The following HSPBP1 variants were observed in gnomAD, a reference collection of about 807,000 sequenced individuals.
HSPBP1 encodes the protein HSPA (Hsp70) binding protein 1.
HSPBP1 carries 31 observed loss-of-function variants against 41.7 expected under a neutral mutation model. That is an observed-to-expected ratio of 0.74 (90% confidence interval 0.56 to 1.00). HSPBP1 has a LOEUF of 1.00. Among genes scored for constraint, HSPBP1 ranks in the 50% least tolerant of loss-of-function variants. The pLI, the probability that HSPBP1 is intolerant of heterozygous loss-of-function variation, is 0.00. For missense variants in HSPBP1, 439 were observed against 487.9 expected (o/e 0.90, Z 0.94); for synonymous variants, 199 against 214.4 (o/e 0.93, Z 0.63).
intron 3 of HSPBP1, among the ~76,000 whole-genome samples, chr19:55,276,147 G>A (rs901617653): frequency 5.0e-5 from 7 of 141,130 alleles, no homozygotes; most frequent in African/African-American, 7.8e-5. Flanking sequence ...TCTGACACAC[G>A]CCACAACATG....
chr19:55,277,976 G>A (rs904420701), intron 2 of HSPBP1, 130 bp from the exon 3 acceptor site: 8 of 807,450 alleles, frequency 9.9e-6, no homozygotes, highest in Non-Finnish European at 1.3e-5. Context: ...GCTGGGAGCT[G>A]TGGCTCATCC....
Position 55,265,898 on chromosome 19 carries a change from C to G in HSPBP1, c.881G>C (p.Gly294Ala). 2 of 1,606,332 alleles carry G rather than the reference C, an allele frequency of 1.2e-6. No individual in the cohort carries two copies. Among genetic ancestry groups the G allele is most frequent in the Non-Finnish European group, 1.7e-6 (2 of 1,177,568 alleles). ...GGAGCCAAAGTACCTGCACAGGGCT[C>G]CAAGCACGTGCTCGTGGAAGGGGCT... Reference protein sequence around the residue: ...EHSPFHEHVLGALCSLVTDFP... With the variant: ...EHSPFHEHVLAALCSLVTDFP... Residue 294 changes from glycine (G) to alanine (A), a missense_variant, in exon 6 of 8, where the codon GGA becomes GCA. By Grantham distance (60) the Gly-to-Ala change is moderately conservative. Coordinates refer to ENST00000433386, the MANE Select transcript of HSPBP1 (RefSeq NM_012267.5).
chr19:55,263,592 C>CA (rs1878996773), intron 7 of HSPBP1, among the ~76,000 whole-genome samples: 1 of 152,142 alleles, frequency 6.6e-6, no homozygotes, highest in Non-Finnish European at 1.5e-5. Flanking sequence ...ATCCATGCTA[C>CA]AAAAAAGAGC....
intron 7 of HSPBP1, among the ~76,000 whole-genome samples, chr19:55,264,845 C>T (rs1312850167): frequency 2.6e-5 from 4 of 152,130 alleles, no homozygotes; most frequent in African/African-American, 7.2e-5. Flanking sequence ...CACGAGAACA[C>T]GAATGAAAGC....
chr19:55,262,676 GCTC>G lies in HSPBP1; in HGVS notation c.1009_1011del (p.Glu337del), dbSNP rs1474007446. ...TGTAGCAGCTTTTCACAGAACTCCA[GCTC>G]CTCCTGGATTGGGCAGGGGCAGGGA... On this transcript the variant is annotated inframe_deletion, in exon 8 of 8. Transcript: ENST00000433386. 10 of 1,612,886 alleles carry G rather than the reference GCTC, an allele frequency of 6.2e-6. No individual in the cohort carries two copies. Among genetic ancestry groups the G allele is most frequent in the Non-Finnish European group, 7.6e-6 (9 of 1,179,414 alleles).
At chr19:55,262,981 C>G (rs570245101) in intron 7 of HSPBP1, among the ~76,000 whole-genome samples, 1 of 152,264 alleles carries the variant, frequency 6.6e-6, no homozygotes, top group East Asian at 1.9e-4. Context: ...CTGCTCAAAA[C>G]TTTCTGCGGA....
At chr19:55,271,873 G>A (rs1002101963) in intron 4 of HSPBP1, among the ~76,000 whole-genome samples, 5 of 152,118 alleles carry the variant, frequency 3.3e-5, no homozygotes, top group Non-Finnish European at 5.9e-5. Context: ...TGGCCAACAG[G>A]GTGAAACCCC....
chr19:55,265,230 T>G, intron 7 of HSPBP1, 48 bp downstream of exon 7: 10 of 837,080 alleles, frequency 1.2e-5, no homozygotes, highest in East Asian at 6.5e-5. Context: ...CCTTGTCCCC[T>G]CCCCCTTGCA....
At chr19:55,276,104 C>CAAAAAAAAAAAAAAA (rs59561808) in intron 3 of HSPBP1, among the ~76,000 whole-genome samples, 1 of 65,992 alleles carries the variant, frequency 1.5e-5, no homozygotes, top group Non-Finnish European at 2.8e-5. Flanking sequence ...GAGACTGACT[C>CAAAAAAAAAAAAAAA]AAAAAAAAAA....
intron 3 of HSPBP1, among the ~76,000 whole-genome samples, chr19:55,275,174 C>G (rs2088038836): frequency 6.6e-6 from 1 of 152,178 alleles, no homozygotes. Context: ...CCCCAGGCTC[C>G]AGACTACTAA....
At chr19:55,271,538 T>C (rs2087923762) in intron 4 of HSPBP1, among the ~76,000 whole-genome samples, 1 of 152,168 alleles carries the variant, frequency 6.6e-6, no homozygotes, top group Non-Finnish European at 1.5e-5. Context: ...ACTTTCCAAG[T>C]GCCCCTTTCC....
chr19:55,273,863 C>T (rs2087988687), intron 4 of HSPBP1, among the ~76,000 whole-genome samples: 1 of 151,924 alleles, frequency 6.6e-6, no homozygotes. Context: ...TCCCTTGAGG[C>T]TAGGAGTTCA....
Position 55,266,278 on chromosome 19 carries a change from G to A in HSPBP1, c.649C>T (p.Arg217Ter), listed in dbSNP as rs1481910259. The A allele has an allele frequency of 6.3e-6, 10 of 1,575,312 alleles. No individual in the cohort carries two copies. The highest frequency in any genetic ancestry group is 1.2e-5 in the South Asian group (1 of 86,006). The change falls in exon 5 of 8, where the codon CGA becomes TGA. Residue 217 changes from arginine (R) to a stop codon, truncating the protein, a stop_gained. Coordinates refer to ENST00000433386, the MANE Select transcript of HSPBP1 (RefSeq NM_012267.5). LOFTEE classifies it high-confidence loss of function. Reference sequence around the variant, plus strand: ...TGCAGCAGCCCAGCCTCCTGCTCTCGGACCAGACCTGGGAGAGGGGGAAAG... The same window carrying A: ...TGCAGCAGCCCAGCCTCCTGCTCTCAGACCAGACCTGGGAGAGGGGGAAAG... The part of the protein sequence containing the change: ...KALFAISCLV[R>*]EQEAGLLQFL...
chr19:55,274,347 ACC>A, intron 4 of HSPBP1, 49 bp downstream of exon 4: 4 of 325,640 alleles, frequency 1.2e-5, no homozygotes, highest in South Asian at 1.1e-4. Flanking sequence ...CCCACCCGGC[ACC>A]CCCCCCCACC....
chr19:55,262,572 GT>G lies in HSPBP1; in HGVS notation c.*35del, dbSNP rs995652628. ...TGGGGAGGGAGGCAAGAGGCCTGGG[GT>G]TCCCACGGAGAAGGGGGCAAGAAGC... On this transcript the variant is annotated 3_prime_UTR_variant, in exon 8 of 8. Coordinates refer to ENST00000433386, the MANE Select transcript of HSPBP1 (RefSeq NM_012267.5). 6.2e-7 allele frequency: 1 copy of G among 1,610,446 alleles called. No homozygotes were observed. The highest frequency in any genetic ancestry group is 8.5e-7 in the Non-Finnish European group (1 of 1,178,344).
At chr19:55,273,542 A>G (rs909307075) in intron 4 of HSPBP1, among the ~76,000 whole-genome samples, 2 of 152,136 alleles carry the variant, frequency 1.3e-5, no homozygotes, top group Non-Finnish European at 2.9e-5. Context: ...GCAGGTGTGC[A>G]TAAGGATTCA....
At chr19:55,278,923 C>CCCCAAAA (rs764250410) in intron 2 of HSPBP1, among the ~76,000 whole-genome samples, 3 of 90,658 alleles carry the variant, frequency 3.3e-5, no homozygotes, top group Non-Finnish European at 4.4e-5. Context: ...CTGCCCCCAC[C>CCCCAAAA]AAAAAAAAAA....
chr19:55,266,146 G>T lies in HSPBP1; in HGVS notation c.781C>A (p.His261Asn). 6.2e-7 allele frequency: 1 copy of T among 1,601,132 alleles called. No individual in the cohort carries two copies. Residue 261 changes from histidine to asparagine, a missense_variant, in exon 5 of 8, where the codon CAC (histidine) becomes AAC (asparagine). By Grantham distance (68) the His-to-Asn change is moderately conservative. Coordinates refer to ENST00000433386, the MANE Select transcript of HSPBP1 (RefSeq NM_012267.5). ...GCTGCCACACCTTTGTGTTCAGGGT[G>T]GCCCACCAGCAGGTTCTGCAGCAGG... ...AFLLQNLLVG[H>N]PEHKGTLCSM...
At chr19:55,279,302 C>A in intron 2 of HSPBP1, 97 bp downstream of exon 2, 1 of 1,065,274 alleles carries the variant, frequency 9.4e-7, no homozygotes, top group Non-Finnish European at 1.4e-6. Flanking sequence ...CCCAAGAAGA[C>A]CCTAGTCTTC....
Sources: allele counts gnomAD v4.1 joint callset (sites outside exome capture counted in the v4.1 genomes callset), GRCh38; gene constraint gnomAD v4.1.1; transcripts MANE v1.5; gene names NCBI Gene and HGNC (gene_info 2026-07-23, HGNC 2026-07-21).